The following VWA8 variants were observed in gnomAD, a reference collection of about 807,000 sequenced individuals.
VWA8 encodes von Willebrand factor A domain-containing protein 8.
Under a neutral mutation model 241.5 loss-of-function variants are expected in VWA8, and 221 were observed. That is an observed-to-expected ratio of 0.91 (90% confidence interval 0.82 to 1.02). The LOEUF is 1.02. Ranked by LOEUF, VWA8 falls within the 50% of genes least tolerant of loss-of-function variation. VWA8 has a pLI of 0.00. For synonymous variants in VWA8, 852 were observed against 827.1 expected (o/e 1.03, Z -0.52); for missense variants, 2,322 against 2,328.7 (o/e 1.00, Z 0.06).
intron 2 of VWA8, among the ~76,000 whole-genome samples, chr13:41,933,070 T>C (rs1877196823): frequency 6.6e-6 from 1 of 151,964 alleles, no homozygotes; most frequent in Non-Finnish European, 1.5e-5. Flanking sequence ...ATGGACATGA[T>C]TGTTTATATA....
intron 26 of VWA8, among the ~76,000 whole-genome samples, chr13:41,705,514 T>C (rs1482621506): frequency 6.6e-6 from 1 of 152,058 alleles, no homozygotes; most frequent in Non-Finnish European, 1.5e-5. Flanking sequence ...AACAGAAAAA[T>C]AACAGAAGGA....
chr13:41,692,205 T>C (rs1377416594), intron 30 of VWA8, among the ~76,000 whole-genome samples: 1 of 152,176 alleles, frequency 6.6e-6, no homozygotes, highest in East Asian at 1.9e-4. Context: ...TAACAGGCTA[T>C]CTGATGATTA....
intron 37 of VWA8, among the ~76,000 whole-genome samples, chr13:41,615,429 G>C (rs1681142949): frequency 6.6e-6 from 1 of 152,166 alleles, no homozygotes; most frequent in African/African-American, 2.4e-5. Flanking sequence ...CTGGAGAGGG[G>C]TATTTTGCCA....
chr13:41,654,033 C>T (rs1027710215), intron 37 of VWA8, among the ~76,000 whole-genome samples: 3 of 152,060 alleles, frequency 2.0e-5, no homozygotes, highest in African/African-American at 4.8e-5. Flanking sequence ...AAAGCAATTG[C>T]AACAAAAACA....
At chr13:41,889,953 T>A (rs1403916270) in intron 5 of VWA8, among the ~76,000 whole-genome samples, 1 of 152,188 alleles carries the variant, frequency 6.6e-6, no homozygotes, top group East Asian at 1.9e-4. Flanking sequence ...TTTTAAAAAA[T>A]AAAGTTAAAA....
chr13:41,609,263 A>G (rs1013676593), intron 39 of VWA8, among the ~76,000 whole-genome samples: 7 of 152,230 alleles, frequency 4.6e-5, no homozygotes, highest in African/African-American at 1.7e-4. Flanking sequence ...CCATAAAAGC[A>G]TCAATGGTGG....
At chr13:41,795,244 G>A (rs1869638545) in intron 17 of VWA8, among the ~76,000 whole-genome samples, 2 of 152,134 alleles carry the variant, frequency 1.3e-5, no homozygotes, top group South Asian at 4.1e-4. Context: ...AAACCACAAT[G>A]AGGTACCATC....
rs1163077098 is a variant in VWA8 at position 41,950,014 on chromosome 13, C to T, written c.164-1G>A. On this transcript the variant is annotated splice_acceptor_variant, in intron 1 of 44. Transcript: ENST00000379310. LOFTEE classifies it high-confidence loss of function. ...ACATCTCCAATATTAACTGTATCAC[C>T]TAAAAAGAGATTTTAAAAACAGAAT... 2 of 1,539,016 alleles carry T rather than the reference C, an allele frequency of 1.3e-6. No homozygotes were observed. Among genetic ancestry groups the T allele is most frequent in the East Asian group, 2.3e-5 (1 of 43,136 alleles).
At chr13:41,627,861 G>A (rs2044702963) in intron 37 of VWA8, among the ~76,000 whole-genome samples, 1 of 152,064 alleles carries the variant, frequency 6.6e-6, no homozygotes, top group Non-Finnish European at 1.5e-5. Context: ...AAAGACCATC[G>A]GTCCCTCTCC....
intron 35 of VWA8, among the ~76,000 whole-genome samples, chr13:41,682,105 A>C (rs962725085): frequency 1.3e-5 from 2 of 152,232 alleles, no homozygotes; most frequent in Non-Finnish European, 2.9e-5. Flanking sequence ...TGGGTCAACC[A>C]AGACTCACTA....
chr13:41,621,709 A>G (rs1301892305), intron 37 of VWA8, among the ~76,000 whole-genome samples: 1 of 152,168 alleles, frequency 6.6e-6, no homozygotes, highest in Admixed American at 6.6e-5. Context: ...AGTACTACAA[A>G]TGAAGGCACA....
chr13:41,785,059 A>G (rs1490277419), intron 18 of VWA8, among the ~76,000 whole-genome samples: 1 of 151,950 alleles, frequency 6.6e-6, no homozygotes, highest in Non-Finnish European at 1.5e-5. Flanking sequence ...CCAGATATGC[A>G]TGACATGTTC....
At chr13:41,923,501 T>C (rs1445774981) in intron 2 of VWA8, among the ~76,000 whole-genome samples, 2 of 151,980 alleles carry the variant, frequency 1.3e-5, no homozygotes, top group Non-Finnish European at 2.9e-5. Flanking sequence ...ACTTTTGCCT[T>C]GGAAAGTGAA....
chr13:41,573,907 C>CCA (rs1438171360), intron 43 of VWA8, among the ~76,000 whole-genome samples: 2 of 152,186 alleles, frequency 1.3e-5, no homozygotes, highest in African/African-American at 4.8e-5. Flanking sequence ...CAGGCGTGCG[C>CCA]CACCGTGCCT....
chr13:41,903,286 T>C (rs1875544825), intron 4 of VWA8, among the ~76,000 whole-genome samples: 1 of 152,174 alleles, frequency 6.6e-6, no homozygotes, highest in Non-Finnish European at 1.5e-5. Context: ...ATTCTTAATT[T>C]AGTTAAAATT....
At chr13:41,740,087 C>T (rs1291995444) in intron 21 of VWA8, among the ~76,000 whole-genome samples, 2 of 151,846 alleles carry the variant, frequency 1.3e-5, no homozygotes, top group Admixed American at 1.3e-4. Flanking sequence ...AATCTCCTGA[C>T]CTCGTGATCT....
At chr13:41,704,937 ACG>A (rs1593708324) in intron 26 of VWA8, among the ~76,000 whole-genome samples, 1 of 152,326 alleles carries the variant, frequency 6.6e-6, no homozygotes, top group South Asian at 2.1e-4. Context: ...TTAAAAGAAC[ACG>A]TTTATATTTA....
At chr13:41,693,029 T>TTTA in intron 29 of VWA8, 57 bp from the exon 30 acceptor site, 3 of 1,045,272 alleles carry the variant, frequency 2.9e-6, no homozygotes, top group Non-Finnish European at 4.1e-6. Flanking sequence ...TTTTTTTTTT[T>TTTA]AAAGCAGCAA....
At chr13:41,626,587 C>G (rs975482831) in intron 37 of VWA8, among the ~76,000 whole-genome samples, 1 of 152,120 alleles carries the variant, frequency 6.6e-6, no homozygotes, top group African/African-American at 2.4e-5. Flanking sequence ...ATTAATGGAG[C>G]AGGTTAACGA....
Sources: gnomAD v4.1 joint callset for allele counts (sites outside exome capture counted in the v4.1 genomes callset) on GRCh38, gnomAD v4.1.1 for gene constraint, MANE v1.5 for transcripts, NCBI Gene and HGNC (gene_info 2026-07-23, HGNC 2026-07-21) for gene names.